The following ARHGEF10L variants were observed in gnomAD, a reference collection of about 807,000 sequenced individuals.
The protein encoded by ARHGEF10L is rho guanine nucleotide exchange factor 10-like protein.
A neutral mutation model predicts 141.2 loss-of-function variants in ARHGEF10L; 69 were observed. That is an observed-to-expected ratio of 0.49 (90% confidence interval 0.40 to 0.60). ARHGEF10L has a LOEUF of 0.60. Among genes scored for constraint, ARHGEF10L ranks in the 20% least tolerant of loss-of-function variants. The pLI, the probability that ARHGEF10L is intolerant of heterozygous loss-of-function variation, is 0.00. For missense variants in ARHGEF10L, 1,482 were observed against 1,734.3 expected, an observed-to-expected ratio of 0.85 and a Z score of 2.58; for synonymous variants, 711 against 718.5, an observed-to-expected ratio of 0.99 and a Z score of 0.17.
the ARHGEF10L span, among the ~76,000 whole-genome samples, chr1:17,520,787 C>G: frequency 6.6e-6 from 1 of 152,186 alleles, no homozygotes; most frequent in Admixed American, 6.5e-5. Flanking sequence ...TTCTTAGGGT[C>G]ACAGAGTGAG....
At chr1:17,640,060 T>A in intron 20 of ARHGEF10L, 142 bp from the exon 21 acceptor site, 1 of 1,475,990 alleles carries the variant, frequency 6.8e-7, no homozygotes, top group South Asian at 1.4e-5. Context: ...CACTGACCTC[T>A]TTGGCCACGT....
intron 1 of ARHGEF10L, among the ~76,000 whole-genome samples, chr1:17,540,480 G>C (rs2076683908): frequency 6.6e-6 from 1 of 152,126 alleles, no homozygotes; most frequent in Non-Finnish European, 1.5e-5. Flanking sequence ...GCCGGAGGCC[G>C]TGGCTGCGGA....
Position 17,615,983 on chromosome 1 carries a change from G to A in ARHGEF10L, c.727-111G>A, listed in dbSNP as rs2059786583. 3.5e-6 allele frequency: 3 copies of A among 847,152 alleles called. No homozygotes were observed. Among genetic ancestry groups the A allele is most frequent in the Admixed American group, 3.8e-5 (2 of 52,832 alleles). 52.5% of individuals were successfully genotyped at this position (847,152 alleles called of 1,614,324 possible). A position where few individuals can be genotyped will look rare whatever the true frequency, so the allele number is the denominator to read the frequency against. On this transcript the variant is annotated intron_variant, in intron 8 of 28. Coordinates refer to ENST00000361221, the MANE Select transcript of ARHGEF10L (RefSeq NM_018125.4). This position sits in a 1 kb window ranked among gnomAD's most constrained non-coding sequence, Gnocchi z 4.7. ...TTTGCTCACGGACCTGGGAGGGAAG[G>A]GTCTGGGTGGTTCTGATCTCTGCAG...
chr1:17,688,955 G>A (rs1350778294), intron 27 of ARHGEF10L, among the ~76,000 whole-genome samples: 1 of 152,146 alleles, frequency 6.6e-6, no homozygotes, highest in Non-Finnish European at 1.5e-5. Context: ...TCACAATGGT[G>A]TAATAACTGC....
intron 22 of ARHGEF10L, among the ~76,000 whole-genome samples, chr1:17,650,020 C>T (rs755576485): frequency 2.0e-5 from 3 of 152,198 alleles, no homozygotes; most frequent in Non-Finnish European, 2.9e-5. Flanking sequence ...GCCTTGGAAA[C>T]AGATGTTTCC....
At chr1:17,665,555 G>A (rs930121022) in intron 26 of ARHGEF10L, among the ~76,000 whole-genome samples, 5 of 152,294 alleles carry the variant, frequency 3.3e-5, no homozygotes, top group African/African-American at 9.6e-5. Context: ...CAGAGGTGTT[G>A]TCGTTGGAGC....
At chr1:17,540,550 A>T (rs1030464893) in intron 1 of ARHGEF10L, among the ~76,000 whole-genome samples, 2 of 152,136 alleles carry the variant, frequency 1.3e-5, no homozygotes, top group African/African-American at 4.8e-5. Flanking sequence ...CCCTAGATGA[A>T]GACCAGCCCC....
intron 9 of ARHGEF10L, among the ~76,000 whole-genome samples, chr1:17,617,661 C>T (rs764222031): frequency 7.2e-5 from 11 of 152,224 alleles, no homozygotes; most frequent in Non-Finnish European, 1.3e-4. Context: ...ACACAGGCCT[C>T]GAGCCAGGCA....
At chr1:17,616,953 A>G (rs2059842709) in intron 9 of ARHGEF10L, among the ~76,000 whole-genome samples, 1 of 152,200 alleles carries the variant, frequency 6.6e-6, no homozygotes, top group Admixed American at 6.5e-5. Flanking sequence ...CTATGAGCCT[A>G]CAGTTCCTCA....
intron 27 of ARHGEF10L, among the ~76,000 whole-genome samples, chr1:17,689,037 C>CG (rs774672768): frequency 6.6e-6 from 1 of 152,088 alleles, no homozygotes; most frequent in Non-Finnish European, 1.5e-5. Flanking sequence ...CCTAACCCTG[C>CG]GAGCTGGGGA....
chr1:17,631,832 A>G (rs1571094762), intron 15 of ARHGEF10L, among the ~76,000 whole-genome samples: 2 of 152,382 alleles, frequency 1.3e-5, no homozygotes, highest in Admixed American at 1.3e-4. Flanking sequence ...AGACCCGGTC[A>G]CATGTTCATT....
At chr1:17,674,219 C>T (rs6703752) in intron 26 of ARHGEF10L, among the ~76,000 whole-genome samples, 12,654 of 152,202 alleles carry the variant, frequency 0.083, 1,459 homozygotes, top group African/African-American at 0.25. Flanking sequence ...TCTGCCTGAC[C>T]CTGAGCCTTC....
rs1009734777 is a variant in ARHGEF10L at position 17,639,960 on chromosome 1, G to T, written c.2172-242G>T. ...GGCTCCTGGAGCCAGGCTGGGGAGC[G>T]TGGCTCAGCCACCCTGGCCAGGTAC... is the stretch of plus-strand genomic sequence containing the variant. On this transcript the variant is annotated intron_variant, in intron 20 of 28. Transcript: ENST00000361221. The surrounding 1 kb of genome is among the most constrained non-coding windows in gnomAD (Gnocchi z 4.3). 3 of 1,492,310 alleles carry T rather than the reference G, an allele frequency of 2.0e-6. No homozygotes were observed. In the Admixed American group the frequency reaches 6.1e-5, roughly 31 times the overall value. 92.4% of individuals were successfully genotyped at this position (1,492,310 alleles called of 1,614,324 possible).
intron 19 of ARHGEF10L, 112 bp from the exon 20 acceptor site, chr1:17,638,450 G>A (rs2061145112): frequency 6.7e-7 from 1 of 1,484,512 alleles, no homozygotes; most frequent in African/African-American, 1.4e-5. Flanking sequence ...TGAGGCTCCA[G>A]GACTTCTTCA....
At chr1:17,532,796 T>C in the ARHGEF10L span, among the ~76,000 whole-genome samples, 2 of 152,024 alleles carry the variant, frequency 1.3e-5, no homozygotes, top group African/African-American at 4.8e-5. Flanking sequence ...GGTTTCCCTA[T>C]ATTGGCCAGG....
At chr1:17,513,586 G>C in the ARHGEF10L span, among the ~76,000 whole-genome samples, 2 of 152,096 alleles carry the variant, frequency 1.3e-5, no homozygotes, top group Non-Finnish European at 2.9e-5. Context: ...GGTTGGGGAG[G>C]GTAGAGAAAG....
At chr1:17,696,350 A>T (rs567488359) in intron 28 of ARHGEF10L, among the ~76,000 whole-genome samples, 1 of 152,192 alleles carries the variant, frequency 6.6e-6, no homozygotes, top group African/African-American at 2.4e-5. Flanking sequence ...CAGGGATGAA[A>T]TCGGGCAGAG....
At chr1:17,577,657 T>C (rs972539559) in intron 1 of ARHGEF10L, among the ~76,000 whole-genome samples, 1 of 152,208 alleles carries the variant, frequency 6.6e-6, no homozygotes, top group Admixed American at 6.5e-5. Flanking sequence ...CGCATTAGCC[T>C]GTAGCAAACA....
At chr1:17,584,591 C>T (rs111317516) in intron 2 of ARHGEF10L, among the ~76,000 whole-genome samples, 2,258 of 152,236 alleles carry the variant, frequency 0.015, 40 homozygotes, top group African/African-American at 0.043. Context: ...CAGGGCAAAC[C>T]GGGAGTCTCA....
Sources: gnomAD v4.1 joint callset for allele counts (sites outside exome capture counted in the v4.1 genomes callset) on GRCh38, gnomAD v4.1.1 for gene constraint, Gnocchi (gnomAD v3.1) non-coding constraint, MANE v1.5 for transcripts, NCBI Gene and HGNC (gene_info 2026-07-23, HGNC 2026-07-21) for gene names.